The following BCAS1 variants were observed in gnomAD, a reference collection of about 807,000 sequenced individuals.
The protein encoded by BCAS1 is brain enriched myelin associated protein 1, also known as breast carcinoma-amplified sequence 1.
In BCAS1, 46 loss-of-function variants were observed where a neutral mutation model predicts 65.4. The ratio of observed to expected loss-of-function variants is 0.70; its 90% CI spans 0.55 to 0.90. The LOEUF (loss-of-function observed/expected upper bound fraction) is 0.90, where lower values mean the gene tolerates loss of function less well. BCAS1 is among the 40% of genes least tolerant of loss of function. The pLI is 0.00. For synonymous variants in BCAS1, 298 were observed against 293.5 expected (o/e 1.02, Z -0.16); for missense variants, 793 against 771.2 (o/e 1.03, Z -0.33).
intron 10 of BCAS1, among the ~76,000 whole-genome samples, chr20:53,964,801 T>TTC (rs201677195): frequency 0.014 from 2,002 of 140,360 alleles, 56 homozygotes; most frequent in African/African-American, 0.05. Context: ...GTTTAGAGGT[T>TTC]TTTTTTTTTT....
Position 54,064,725 on chromosome 20 carries a change from A to G in BCAS1, c.-6+5708T>C, listed in dbSNP as rs2092415717. Among the ~76,000 whole-genome samples the G allele has an allele frequency of 3.9e-5, 6 of 152,224 alleles. No homozygotes were observed. The South Asian group carries it at 8.3e-4, about 21-fold the overall frequency. On this transcript the variant is annotated intron_variant, in intron 1 of 12. Coordinates refer to ENST00000688948, the MANE Select transcript of BCAS1 (RefSeq NM_001366298.2). ...GCATCCGTAAAATCCCACGATCGTG[A>G]GGCTTTGGGCAAAGCACTTGACCCT... is the stretch of plus-strand genomic sequence containing the variant.
chr20:53,957,298 G>T, intron 11 of BCAS1, 134 bp downstream of exon 11: 1 of 764,446 alleles, frequency 1.3e-6, no homozygotes, highest in Non-Finnish European at 2.3e-6. Flanking sequence ...CATAGTTCTT[G>T]GCATATAGTA....
intron 12 of BCAS1, among the ~76,000 whole-genome samples, chr20:53,948,507 G>A (rs1288962027): frequency 3.3e-5 from 5 of 152,224 alleles, no homozygotes; most frequent in Non-Finnish European, 7.3e-5. Context: ...GCTGAGGAGG[G>A]GCACCCCCTT....
intron 3 of BCAS1, among the ~76,000 whole-genome samples, chr20:54,048,334 C>T (rs775494572): frequency 1.1e-4 from 16 of 152,130 alleles, no homozygotes; most frequent in Middle Eastern, 3.2e-3. Flanking sequence ...CCAATCGTCT[C>T]CAGCCCCAAC....
At chr20:53,951,420 G>A (rs533879992) in intron 12 of BCAS1, among the ~76,000 whole-genome samples, 116 of 152,276 alleles carry the variant, frequency 7.6e-4, no homozygotes, top group Non-Finnish European at 1.1e-3. Flanking sequence ...GCGGTGAGCC[G>A]AGATTGCACC....
At chr20:54,046,832 A>T (rs1159795760) in intron 3 of BCAS1, among the ~76,000 whole-genome samples, 1 of 132,872 alleles carries the variant, frequency 7.5e-6, no homozygotes, top group Admixed American at 7.8e-5. Context: ...TGACAGAGTG[A>T]GACTCTGTCT....
chr20:54,055,018 T>A (rs1020169258), intron 3 of BCAS1, among the ~76,000 whole-genome samples: 1 of 152,126 alleles, frequency 6.6e-6, no homozygotes, highest in East Asian at 1.9e-4. Context: ...ATAAATATAT[T>A]ACAGGTGAGA....
At chr20:53,980,565 G>A (rs1188849396) in intron 8 of BCAS1, among the ~76,000 whole-genome samples, 2 of 152,186 alleles carry the variant, frequency 1.3e-5, no homozygotes, top group African/African-American at 4.8e-5. Context: ...TATTCAAATG[G>A]AAACCAATCT....
At chr20:54,064,205 G>A (rs6123349) in intron 1 of BCAS1, among the ~76,000 whole-genome samples, 21,124 of 152,244 alleles carry the variant, frequency 0.14, 1,934 homozygotes, top group East Asian at 0.32. Context: ...ACTGATGACA[G>A]CAGATTCTCT....
At chr20:54,043,960 C>CT (rs1229221829) in intron 3 of BCAS1, among the ~76,000 whole-genome samples, 1 of 152,218 alleles carries the variant, frequency 6.6e-6, no homozygotes, top group Non-Finnish European at 1.5e-5. Flanking sequence ...ATACAGTATG[C>CT]TGCTTTTATT....
At chr20:54,039,105 C>T (rs1568908346) in intron 3 of BCAS1, among the ~76,000 whole-genome samples, 2 of 151,460 alleles carry the variant, frequency 1.3e-5, no homozygotes, top group East Asian at 3.8e-4. Context: ...AATGGTCATG[C>T]TGCAAGAGTC....
chr20:54,068,752 C>G (rs990497192), intron 1 of BCAS1, among the ~76,000 whole-genome samples: 17 of 152,124 alleles, frequency 1.1e-4, no homozygotes, highest in Non-Finnish European at 2.9e-5. Context: ...CTCAGGCACT[C>G]AAATCCTGAA....
At chr20:53,984,452 A>T (rs559366401) in intron 8 of BCAS1, among the ~76,000 whole-genome samples, 30 of 152,326 alleles carry the variant, frequency 2.0e-4, no homozygotes, top group African/African-American at 7.2e-4. Flanking sequence ...ATTCTGGACG[A>T]CGGAGTAAAG....
intron 3 of BCAS1, among the ~76,000 whole-genome samples, chr20:54,041,458 A>G (rs2091989745): frequency 7.1e-6 from 1 of 141,108 alleles, no homozygotes. Flanking sequence ...CCAGCTTTTA[A>G]GCAGAAGAAA....
chr20:54,047,353 G>T (rs923531525), intron 3 of BCAS1, among the ~76,000 whole-genome samples: 1 of 152,198 alleles, frequency 6.6e-6, no homozygotes, highest in Non-Finnish European at 1.5e-5. Flanking sequence ...ACTACACAGG[G>T]GTGTGAATAC....
chr20:54,014,355 G>C (rs1024533385), intron 4 of BCAS1, among the ~76,000 whole-genome samples: 4 of 152,178 alleles, frequency 2.6e-5, no homozygotes, highest in African/African-American at 7.2e-5. Flanking sequence ...CACTGCTAAA[G>C]TGATTACAAT....
intron 4 of BCAS1, among the ~76,000 whole-genome samples, chr20:54,014,259 G>A (rs148828413): frequency 5.9e-5 from 9 of 152,346 alleles, no homozygotes; most frequent in East Asian, 3.9e-4. Flanking sequence ...ACAGGCGTCC[G>A]TGGTGTTAGC....
chr20:54,048,780 G>A (rs180977774), intron 3 of BCAS1, among the ~76,000 whole-genome samples: 76 of 152,288 alleles, frequency 5.0e-4, no homozygotes, highest in African/African-American at 1.6e-3. Context: ...CTTGCCCTTC[G>A]GCCTTATTAT....
intron 10 of BCAS1, among the ~76,000 whole-genome samples, chr20:53,958,391 C>T (rs2089769724): frequency 6.6e-6 from 1 of 152,192 alleles, no homozygotes; most frequent in South Asian, 2.1e-4. Context: ...CGTTTGATCA[C>T]TGCTTAATGT....
Sources: allele counts gnomAD v4.1 joint callset (sites outside exome capture counted in the v4.1 genomes callset), GRCh38; gene constraint gnomAD v4.1.1; transcripts MANE v1.5; gene names NCBI Gene and HGNC (gene_info 2026-07-23, HGNC 2026-07-21).